Variants in USP40 observed in about 807,000 individuals in gnomAD.
USP40 encodes the protein ubiquitin carboxyl-terminal hydrolase 40.
A neutral mutation model predicts 166.2 loss-of-function variants in USP40; 143 were observed. That is an observed-to-expected ratio of 0.86 (90% CI 0.75 to 0.99). The LOEUF (loss-of-function observed/expected upper bound fraction) is 0.99, where lower values mean the gene tolerates loss of function less well. USP40 is among the 50% of genes least tolerant of loss of function. USP40 has a pLI of 0.00. For synonymous variants in USP40, 498 were observed against 524.0 expected, an observed-to-expected ratio of 0.95 and a Z score of 0.68; for missense variants, 1,444 against 1,479.7, an observed-to-expected ratio of 0.98 and a Z score of 0.40.
At chr2:233,524,419 C>T in intron 15 of USP40, 73 bp downstream of exon 15, 16 of 1,355,504 alleles carry the variant, frequency 1.2e-5, no homozygotes, top group Non-Finnish European at 5.1e-6. Flanking sequence ...CATGAGCCAC[C>T]ATGCCCGGCC....
At position 233,475,692 on chromosome 2, in the gene USP40, C is replaced by T. The variant is rs1393766810; in HGVS notation, c.*1700G>A. ...GCTGGACGGCACTTCAGGGCACAAC[C>T]CACACGCGTCTTTGGACTTGCAGAC... On this transcript the variant is annotated 3_prime_UTR_variant, in exon 32 of 32. Transcript: ENST00000678225. 6.6e-6 allele frequency: 1 copy of T among 152,392 alleles called. No homozygotes were observed. The highest frequency in any genetic ancestry group is 1.5e-5 in the Non-Finnish European group (1 of 68,048). The allele number at this position is 152,392 out of a possible 1,614,324, so 9.4% of individuals were successfully genotyped here.
Position 233,565,430 on chromosome 2 carries a change from C to T in USP40, c.125G>A (p.Gly42Glu), listed in dbSNP as rs2072054965. ...ACAGGTTCCACCCTGATTTCTGATTCCGCTTAAATTGGTGAATTCTCTAGG... is the reference window on the plus strand; with the variant it reads ...ACAGGTTCCACCCTGATTTCTGATTTCGCTTAAATTGGTGAATTCTCTAGG... ...PAPREFTNLSGIRNQGGTCYL... is the reference protein window; with the variant it reads ...PAPREFTNLSEIRNQGGTCYL... The change falls in exon 2 of 32, where the codon GGA becomes GAA. Residue 42 changes from glycine to glutamate, a missense_variant. Coordinates refer to ENST00000678225, the MANE Select transcript of USP40 (RefSeq NM_001365479.2). The T allele has an allele frequency of 6.5e-7, 1 of 1,537,170 alleles. No homozygotes were observed. Among genetic ancestry groups the T allele is most frequent in the Non-Finnish European group, 8.7e-7 (1 of 1,146,876 alleles).
chr2:233,520,999 C>A lies in USP40; in HGVS notation c.2317G>T (p.Val773Phe). The A allele has an allele frequency of 6.2e-7, 1 of 1,612,770 alleles. No individual in the cohort carries two copies. The highest frequency in any genetic ancestry group is 8.5e-7 in the Non-Finnish European group (1 of 1,179,464). Residue 773 changes from valine to phenylalanine, a missense_variant, in exon 17 of 32, where the codon GTT becomes TTT. Transcript: ENST00000678225. ...EEKQVKISAT[V>F]NTMVFDIRIK... ...AATTATATTCTACTCACTGTGTTAA[C>A]AGTTGCTGATATTTTAACTTGCTTC...
chr2:233,540,926 T>A (rs1227291080), intron 9 of USP40, among the ~76,000 whole-genome samples, 157 bp from the exon 10 acceptor site: 4 of 152,234 alleles, frequency 2.6e-5, no homozygotes, highest in Non-Finnish European at 5.9e-5. Flanking sequence ...TATAAAAAGT[T>A]TTTTAAAAAC....
At chr2:233,565,967 T>G (rs1203909083) in intron 1 of USP40, among the ~76,000 whole-genome samples, 1 of 151,432 alleles carries the variant, frequency 6.6e-6, no homozygotes, top group Non-Finnish European at 1.5e-5. Context: ...TTGCCACAAC[T>G]AATCCACTGC....
At position 233,475,964 on chromosome 2, in the gene USP40, G is replaced by A. The variant is rs537611422; in HGVS notation, c.*1428C>T. The A allele has an allele frequency of 2.6e-5, 4 of 152,392 alleles. No individual in the cohort carries two copies. The highest frequency in any genetic ancestry group is 4.8e-5 in the African/African-American group (2 of 41,454). 9.4% of individuals were successfully genotyped at this position (152,392 alleles called of 1,614,324 possible). ...TACACCCAGTGCGAGTCTCCTGAGCGGGGTTAGTGTTTGGGAGTGGGAGGC... is the reference window on the plus strand; with the variant it reads ...TACACCCAGTGCGAGTCTCCTGAGCAGGGTTAGTGTTTGGGAGTGGGAGGC... On this transcript the variant is annotated 3_prime_UTR_variant, in exon 32 of 32. Coordinates refer to ENST00000678225, the MANE Select transcript of USP40 (RefSeq NM_001365479.2).
intron 28 of USP40, chr2:233,487,794 C>CT (rs1160939524): frequency 5.6e-6 from 2 of 360,072 alleles, no homozygotes; most frequent in African/African-American, 4.3e-5. Flanking sequence ...AAACCAAGTA[C>CT]TTATATTCTA....
chr2:233,544,560 T>G (rs1283611700), intron 8 of USP40, among the ~76,000 whole-genome samples: 1 of 151,980 alleles, frequency 6.6e-6, no homozygotes, highest in Non-Finnish European at 1.5e-5. Flanking sequence ...CATCTAAGAG[T>G]GACTTCATTA....
At chr2:233,498,273 T>C (rs1002440459) in intron 23 of USP40, among the ~76,000 whole-genome samples, 9 of 152,246 alleles carry the variant, frequency 5.9e-5, no homozygotes, top group African/African-American at 2.2e-4. Flanking sequence ...TCATTTGTTC[T>C]GTGAAGTTCT....
At chr2:233,504,242 A>T (rs140060237) in intron 21 of USP40, among the ~76,000 whole-genome samples, 11 of 152,186 alleles carry the variant, frequency 7.2e-5, no homozygotes, top group African/African-American at 2.4e-4. Flanking sequence ...GAAGAAAAAG[A>T]TCTACAAAAC....
At chr2:233,526,020 T>C (rs2068000285) in intron 13 of USP40, among the ~76,000 whole-genome samples, 1 of 152,210 alleles carries the variant, frequency 6.6e-6, no homozygotes, top group Admixed American at 6.5e-5. Context: ...AAAGGTGCAT[T>C]ACCAGTTTAC....
At chr2:233,554,304 G>A (rs566984781) in intron 6 of USP40, 76 bp downstream of exon 6, 17 of 1,406,192 alleles carry the variant, frequency 1.2e-5, no homozygotes, top group Middle Eastern at 3.8e-4. Context: ...GTATATCCTC[G>A]AGACTTTTTC....
At chr2:233,559,769 T>C in intron 4 of USP40, 42 bp downstream of exon 4, 1 of 1,403,614 alleles carries the variant, frequency 7.1e-7, no homozygotes, top group Non-Finnish European at 9.8e-7. Flanking sequence ...TATTCTTTCC[T>C]CTATTGCTGG....
chr2:233,482,582 G>GTTTTTT lies in USP40; in HGVS notation c.3505-1291_3505-1286dup, dbSNP rs1203339243. ...TGTACCAACTTGTGTTCCCACTGGA[G>GTTTTTT]TTTTTTTTTTTTGTTTTTTTTTTTT... On this transcript the variant is annotated intron_variant, in intron 30 of 31. Coordinates refer to ENST00000678225, the MANE Select transcript of USP40 (RefSeq NM_001365479.2). Among the ~76,000 whole-genome samples the GTTTTTT allele has an allele frequency of 4.5e-3, 619 of 136,884 alleles. 18 individuals carry two copies. The highest frequency in any genetic ancestry group is 0.016 in the African/African-American group (574 of 35,258). 89.8% of individuals were successfully genotyped at this position (136,884 alleles called of 152,430 possible). A position where few individuals can be genotyped will look rare whatever the true frequency, so the allele number is the denominator to read the frequency against.
chr2:233,532,943 T>A (rs1321158160), intron 11 of USP40, among the ~76,000 whole-genome samples: 2 of 146,382 alleles, frequency 1.4e-5, no homozygotes, highest in African/African-American at 2.5e-5. Flanking sequence ...AATAAATAAA[T>A]GAATAAATAA....
At chr2:233,538,397 C>T (rs2069097663) in intron 10 of USP40, among the ~76,000 whole-genome samples, 1 of 151,978 alleles carries the variant, frequency 6.6e-6, no homozygotes, top group South Asian at 2.1e-4. Flanking sequence ...CAGGCAAAGT[C>T]GTTTTCTTGA....
chr2:233,479,372 G>A (rs1276138184), intron 31 of USP40, among the ~76,000 whole-genome samples: 3 of 152,132 alleles, frequency 2.0e-5, no homozygotes. Flanking sequence ...AGACCATCCT[G>A]GCCAACATGG....
intron 10 of USP40, among the ~76,000 whole-genome samples, chr2:233,538,442 A>G (rs1231916029): frequency 6.6e-6 from 1 of 152,184 alleles, no homozygotes. Flanking sequence ...CCAGCAATGA[A>G]AAAGAAAGCT....
chr2:233,565,934 A>AT (rs1473625686), intron 1 of USP40, among the ~76,000 whole-genome samples: 2 of 152,100 alleles, frequency 1.3e-5, no homozygotes, highest in Non-Finnish European at 2.9e-5. Flanking sequence ...CACATCACTA[A>AT]TTTTTTTAAA....
Sources: gnomAD v4.1 joint callset for allele counts (sites outside exome capture counted in the v4.1 genomes callset) on GRCh38, gnomAD v4.1.1 for gene constraint, MANE v1.5 for transcripts, NCBI Gene and HGNC (gene_info 2026-07-23, HGNC 2026-07-21) for gene names.